Variants in RYR2 observed in about 807,000 individuals in gnomAD.
RYR2 encodes the protein ryanodine receptor 2, also known as cardiac muscle ryanodine receptor-calcium release channel.
RYR2 carries 227 observed loss-of-function variants against 601.1 expected under a neutral mutation model. That is an observed-to-expected ratio of 0.38 (90% CI 0.34 to 0.42). RYR2 has a LOEUF of 0.42. RYR2 is among the 10% of genes least tolerant of loss of function. The probability of loss-of-function intolerance (pLI) is 1.00; values close to 1 mark genes in which losing one functional copy is unlikely to be tolerated. For missense variants in RYR2, 4,646 were observed against 6,156.5 expected (o/e 0.75, Z 8.21); for synonymous variants, 2,223 against 2,175.1 (o/e 1.02, Z -0.61).
Position 237,423,257 on chromosome 1 carries a change from G to A in RYR2, c.1005+9G>A, listed in dbSNP as rs1052046365. The A allele has an allele frequency of 1.2e-6, 2 of 1,610,280 alleles. No homozygotes were observed. The highest frequency in any genetic ancestry group is 8.5e-7 in the Non-Finnish European group (1 of 1,178,720). On this transcript the variant is annotated intron_variant, in intron 12 of 104. Transcript: ENST00000366574. Reference sequence around the variant, plus strand: ...CCTTCCGGTCTTCCAAGGTGAGACAGAAAATATTTTGGGTTTCCTATAAAT... The same window carrying A: ...CCTTCCGGTCTTCCAAGGTGAGACAAAAAATATTTTGGGTTTCCTATAAAT...
At chr1:237,617,017 G>T (rs1323905984) in intron 37 of RYR2, among the ~76,000 whole-genome samples, 1 of 152,040 alleles carries the variant, frequency 6.6e-6, no homozygotes, top group African/African-American at 2.4e-5. Context: ...ACATGTGGGG[G>T]TTATTACAAT....
At chr1:237,587,140 A>T (rs1412506735) in intron 29 of RYR2, among the ~76,000 whole-genome samples, 1 of 152,192 alleles carries the variant, frequency 6.6e-6, no homozygotes, top group African/African-American at 2.4e-5. Flanking sequence ...GTAATTATCG[A>T]ATAAGTAAAT....
At position 237,534,474 on chromosome 1, in the gene RYR2, A is replaced by G. The variant is rs888451086; in HGVS notation, c.2906+3964A>G. ...CACACACCAATTAAAAGCTTGACAT[A>G]TATAGAGTGCTGCATGCATGAAACA... is the stretch of plus-strand genomic sequence containing the variant. On this transcript the variant is annotated intron_variant, in intron 25 of 104. Coordinates refer to ENST00000366574, the MANE Select transcript of RYR2 (RefSeq NM_001035.3). Among the ~76,000 whole-genome samples, 13 of 152,192 alleles carry G rather than the reference A, an allele frequency of 8.5e-5. No individual in the cohort carries two copies. In the East Asian group the frequency reaches 2.5e-3, roughly 29 times the overall value.
chr1:237,697,152 AT>A (rs1363605857), intron 63 of RYR2, among the ~76,000 whole-genome samples: 3 of 150,792 alleles, frequency 2.0e-5, no homozygotes, highest in Non-Finnish European at 4.4e-5. Context: ...CACCAGGTTC[AT>A]TTTTTGCCTC....
chr1:237,780,133 A>C (rs2149340315), intron 88 of RYR2, among the ~76,000 whole-genome samples: 1 of 150,428 alleles, frequency 6.6e-6, no homozygotes, highest in South Asian at 2.1e-4. Flanking sequence ...AACTATATTT[A>C]TTAGTGTTTG....
intron 1 of RYR2, among the ~76,000 whole-genome samples, chr1:237,240,891 G>A (rs562918260): frequency 8.5e-4 from 130 of 152,264 alleles, no homozygotes; most frequent in African/African-American, 3.0e-3. Context: ...CATGAAAACA[G>A]TAATGCTACT....
At chr1:237,242,193 G>GT (rs1389322285) in intron 1 of RYR2, among the ~76,000 whole-genome samples, 2 of 50,174 alleles carry the variant, frequency 4.0e-5, no homozygotes, top group African/African-American at 6.9e-5. Flanking sequence ...TTTGATCACT[G>GT]TTTTTTTTGT....
intron 7 of RYR2, among the ~76,000 whole-genome samples, chr1:237,375,948 G>GT (rs1558709399): frequency 6.6e-6 from 1 of 152,102 alleles, no homozygotes; most frequent in Non-Finnish European, 1.5e-5. Context: ...ATGCTACTCT[G>GT]TTTTTTCCCG....
chr1:237,731,309 A>G (rs1007358831), intron 77 of RYR2, among the ~76,000 whole-genome samples: 3 of 152,140 alleles, frequency 2.0e-5, no homozygotes, highest in Non-Finnish European at 1.5e-5. Context: ...AATTCTGCCA[A>G]TAAAAATGCT....
intron 60 of RYR2, among the ~76,000 whole-genome samples, chr1:237,675,867 A>G (rs182073354): frequency 6.6e-6 from 1 of 152,262 alleles, no homozygotes; most frequent in Admixed American, 6.5e-5. Flanking sequence ...GCCTGCCTCT[A>G]CAGTTCAAAT....
At chr1:237,477,428 T>C (rs1169876955) in intron 17 of RYR2, among the ~76,000 whole-genome samples, 1 of 151,266 alleles carries the variant, frequency 6.6e-6, no homozygotes, top group Non-Finnish European at 1.5e-5. Flanking sequence ...AGCAGTGATG[T>C]GATTTGCACT....
intron 58 of RYR2, among the ~76,000 whole-genome samples, chr1:237,672,667 A>G (rs1319902010): frequency 6.6e-6 from 1 of 152,220 alleles, no homozygotes; most frequent in Admixed American, 6.5e-5. Flanking sequence ...TAATTATAGT[A>G]TCCTTATAAA....
chr1:237,209,646 A>G (rs979547262), intron 1 of RYR2, among the ~76,000 whole-genome samples: 1 of 151,998 alleles, frequency 6.6e-6, no homozygotes, highest in African/African-American at 2.4e-5. Context: ...TGAGTTCAGG[A>G]GTTGGAGACC....
intron 2 of RYR2, among the ~76,000 whole-genome samples, chr1:237,298,533 T>C (rs1420856840): frequency 6.6e-6 from 1 of 152,166 alleles, no homozygotes; most frequent in African/African-American, 2.4e-5. Context: ...TAATCCTCTT[T>C]ACTTAGGGTG....
In RYR2 at chr1:237,093,316, G is replaced by C. The variant is rs545933432; in HGVS notation, c.48+50747G>C. The stretch of plus-strand genomic sequence containing the variant: ...ACGACCTCAGAAGCCCATAGTGATG[G>C]TGGGCTAGGGGAGGAGCTGAGAAGA... On this transcript the variant is annotated intron_variant, in intron 1 of 104. Transcript: ENST00000366574. 2.6e-5 allele frequency among the ~76,000 whole-genome samples: 4 copies of C among 152,274 alleles called. No homozygotes were observed. In the South Asian group the frequency reaches 8.3e-4, roughly 32 times the overall value.
At chr1:237,259,002 T>C (rs762397618) in intron 1 of RYR2, among the ~76,000 whole-genome samples, 1 of 151,978 alleles carries the variant, frequency 6.6e-6, no homozygotes, top group Non-Finnish European at 1.5e-5. Flanking sequence ...CTGATGGAAA[T>C]AAAGTGAGGG....
chr1:237,803,100 G>A (rs1035424083), intron 98 of RYR2, among the ~76,000 whole-genome samples: 7 of 152,132 alleles, frequency 4.6e-5, no homozygotes, highest in Non-Finnish European at 8.8e-5. Flanking sequence ...TTTTAGATAA[G>A]CAGAAAATAA....
intron 1 of RYR2, among the ~76,000 whole-genome samples, chr1:237,165,017 AG>A (rs1676518770): frequency 2.6e-5 from 4 of 151,026 alleles, no homozygotes; most frequent in Admixed American, 2.6e-4. Context: ...TCTGTTACCC[AG>A]GCAGGAGTGC....
intron 1 of RYR2, among the ~76,000 whole-genome samples, chr1:237,097,994 C>G (rs1417442196): frequency 6.6e-6 from 1 of 152,092 alleles, no homozygotes; most frequent in African/African-American, 2.4e-5. Context: ...TGCCATTTTT[C>G]TTTATTAAAA....
Sources: gnomAD v4.1 joint callset for allele counts (sites outside exome capture counted in the v4.1 genomes callset) on GRCh38, gnomAD v4.1.1 for gene constraint, MANE v1.5 for transcripts, NCBI Gene and HGNC (gene_info 2026-07-23, HGNC 2026-07-21) for gene names.